GFRA2: variants seen among roughly 807,000 people sequenced by gnomAD.
The protein encoded by GFRA2 is GDNF family receptor alpha 2, also known as GDNF family receptor alpha-2.
GFRA2 carries 17 observed loss-of-function variants against 48.3 expected under a neutral mutation model. That is an observed-to-expected ratio of 0.35 (90% confidence interval 0.24 to 0.53). GFRA2 has a LOEUF of 0.53. Among genes scored for constraint, GFRA2 ranks in the 20% least tolerant of loss-of-function variants. GFRA2 has a pLI of 0.93. For synonymous variants in GFRA2, 305 were observed against 257.2 expected, an observed-to-expected ratio of 1.19 and a Z score of -1.78; for missense variants, 660 against 637.3, an observed-to-expected ratio of 1.04 and a Z score of -0.38.
intron 3 of GFRA2, chr8:21,769,298 A>T (rs1585321962): frequency 1.8e-5 from 4 of 218,314 alleles, no homozygotes; most frequent in Non-Finnish European, 2.5e-5. Context: ...CCTGCACACC[A>T]CGGCCAGGAT....
At chr8:21,790,612 G>A (rs931577083), upstream of GFRA2, among the ~76,000 whole-genome samples, 6 of 152,158 alleles carry the variant, frequency 3.9e-5, no homozygotes, top group Non-Finnish European at 8.8e-5. Flanking sequence ...TCCGTCCTGG[G>A]GCATCGACCT....
chr8:21,808,638 A>C (rs1807914832), intron 1 of GFRA2, among the ~76,000 whole-genome samples: 1 of 152,220 alleles, frequency 6.6e-6, no homozygotes, highest in Non-Finnish European at 1.5e-5. Context: ...ATTAATAATA[A>C]CAGAGCTGCT....
chr8:21,789,716 G>C (rs1197304268), upstream of GFRA2, among the ~76,000 whole-genome samples: 1 of 151,816 alleles, frequency 6.6e-6, no homozygotes, highest in Non-Finnish European at 1.5e-5. Flanking sequence ...TCACGCCCGC[G>C]GCGCGCTTGC....
chr8:21,720,314 C>G (rs1260436880), intron 4 of GFRA2, among the ~76,000 whole-genome samples: 1 of 152,204 alleles, frequency 6.6e-6, no homozygotes, highest in Non-Finnish European at 1.5e-5. Flanking sequence ...AGCCCCAGCT[C>G]TGCCAGTCAC....
intron 4 of GFRA2, among the ~76,000 whole-genome samples, chr8:21,732,300 G>A (rs1804238064): frequency 6.6e-6 from 1 of 152,256 alleles, no homozygotes; most frequent in African/African-American, 2.4e-5. Context: ...ATTTTCAGAG[G>A]CCTTAAGAAG....
At chr8:21,732,650 C>T (rs1804254368) in intron 4 of GFRA2, among the ~76,000 whole-genome samples, 1 of 152,238 alleles carries the variant, frequency 6.6e-6, no homozygotes, top group African/African-American at 2.4e-5. Context: ...CCCAATGGTC[C>T]TGCAGGCCAC....
At chr8:21,789,011 G>A (rs1259375116), upstream of GFRA2, among the ~76,000 whole-genome samples, 3 of 135,262 alleles carry the variant, frequency 2.2e-5, no homozygotes, top group African/African-American at 9.5e-5. Flanking sequence ...CTCGGCGCTC[G>A]GGCTCCCAGG....
intron 4 of GFRA2, among the ~76,000 whole-genome samples, chr8:21,710,496 A>T (rs982905299): frequency 5.3e-5 from 8 of 151,996 alleles, no homozygotes; most frequent in African/African-American, 1.7e-4. Context: ...CTCCTGTTCT[A>T]CCATACCCCA....
Position 21,773,339 on chromosome 8 carries a change from G to A in GFRA2, c.439+1633C>T, listed in dbSNP as rs1012137614. Among the ~76,000 whole-genome samples, 535 of 152,298 alleles carry A rather than the reference G, an allele frequency of 3.5e-3. 2 individuals are homozygous for A. The highest frequency in any genetic ancestry group is 0.012 in the African/African-American group (513 of 41,570). ...AGGTGCTCAACACAGCTGACTTTGA[G>A]GTCTCCGCTCCATTCACCACCACCC... On this transcript the variant is annotated intron_variant, in intron 3 of 8. Coordinates refer to ENST00000524240, the MANE Select transcript of GFRA2 (RefSeq NM_001495.5).
intron 4 of GFRA2, among the ~76,000 whole-genome samples, chr8:21,714,033 C>T (rs546128883): frequency 1.5e-4 from 23 of 152,316 alleles, no homozygotes; most frequent in African/African-American, 5.5e-4. Flanking sequence ...GCCACGGAGA[C>T]ACACAGTTAC....
At chr8:21,783,842 G>A (rs987993340) in intron 1 of GFRA2, among the ~76,000 whole-genome samples, 63 of 151,728 alleles carry the variant, frequency 4.2e-4, no homozygotes, top group Middle Eastern at 3.2e-3. Flanking sequence ...TCTTGCTGAT[G>A]GCCTCCCAAG....
At chr8:21,712,333 C>A (rs1490986987) in intron 4 of GFRA2, among the ~76,000 whole-genome samples, 2 of 140,384 alleles carry the variant, frequency 1.4e-5, no homozygotes, top group South Asian at 4.7e-4. Context: ...CAGACGGGGT[C>A]GCGGCCGGGC....
At chr8:21,729,829 GA>G (rs1804091864) in intron 4 of GFRA2, among the ~76,000 whole-genome samples, 1 of 152,140 alleles carries the variant, frequency 6.6e-6, no homozygotes, top group Non-Finnish European at 1.5e-5. Flanking sequence ...CAGACCATGA[GA>G]ATTAAGGGAC....
intron 2 of GFRA2, among the ~76,000 whole-genome samples, chr8:21,781,174 C>T (rs537125646): frequency 6.6e-6 from 1 of 152,282 alleles, no homozygotes; most frequent in South Asian, 2.1e-4. Flanking sequence ...CACAACTGTT[C>T]CTGGCCTGTA....
intron 2 of GFRA2, among the ~76,000 whole-genome samples, chr8:21,782,040 G>C (rs1807018462): frequency 6.6e-6 from 1 of 152,090 alleles, no homozygotes; most frequent in Non-Finnish European, 1.5e-5. Context: ...GGAGCCAGAA[G>C]GACAGAGTAG....
chr8:21,767,387 C>T (rs1806224184), intron 3 of GFRA2, among the ~76,000 whole-genome samples: 2 of 152,332 alleles, frequency 1.3e-5, no homozygotes, highest in South Asian at 4.1e-4. Flanking sequence ...ACACACCAGG[C>T]ACACACACGT....
chr8:21,698,437 T>A (rs944792706), intron 7 of GFRA2, among the ~76,000 whole-genome samples: 71 of 152,310 alleles, frequency 4.7e-4, no homozygotes, highest in African/African-American at 1.6e-3. Flanking sequence ...CTCCTCTTCC[T>A]TGCCCACCTC....
chr8:21,713,382 G>T lies in GFRA2; in HGVS notation c.795-7341C>A, dbSNP rs530211561. Reference sequence around the variant, plus strand: ...GGCTCGTTTTTGTATTTTTAATAGAGATGGGATTTCACCTTGTTGGCCAAG... The same window carrying T: ...GGCTCGTTTTTGTATTTTTAATAGATATGGGATTTCACCTTGTTGGCCAAG... On this transcript the variant is annotated intron_variant, in intron 4 of 8. Coordinates refer to ENST00000524240, the MANE Select transcript of GFRA2 (RefSeq NM_001495.5). Among the ~76,000 whole-genome samples, 35 of 152,022 alleles carry T rather than the reference G, an allele frequency of 2.3e-4. 1 individual carries two copies. Among genetic ancestry groups the T allele is most frequent in the African/African-American group, 8.2e-4 (34 of 41,484 alleles).
At position 21,728,276 on chromosome 8, in the gene GFRA2, T is replaced by TTG. The variant is rs1296897352; in HGVS notation, c.795-22236_795-22235insCA. Among the ~76,000 whole-genome samples, 16 of 136,966 alleles carry TTG rather than the reference T, an allele frequency of 1.2e-4. No homozygotes were observed. In the East Asian group the frequency reaches 3.0e-3, roughly 26 times the overall value. The allele number at this position is 136,966 out of a possible 152,430, so 89.9% of individuals were successfully genotyped here. A position where few individuals can be genotyped will look rare whatever the true frequency, so the allele number is the denominator to read the frequency against. ...ACTCCGGGAACCAGGTTTTTTTTTT[T>TTG]TTTTTTTTTTTTTTTTGAGATGGAG... On this transcript the variant is annotated intron_variant, in intron 4 of 8. Transcript: ENST00000524240.
Sources: allele counts gnomAD v4.1 joint callset (sites outside exome capture counted in the v4.1 genomes callset), GRCh38; gene constraint gnomAD v4.1.1; transcripts MANE v1.5; gene names NCBI Gene and HGNC (gene_info 2026-07-23, HGNC 2026-07-21).